Variants in TAF1B observed in about 807,000 individuals in gnomAD.
TAF1B encodes TATA box-binding protein-associated factor RNA polymerase I subunit B.
Under a neutral mutation model 83.9 loss-of-function variants are expected in TAF1B, and 61 were observed. The ratio of observed to expected loss-of-function variants is 0.73; its 90% CI spans 0.59 to 0.90. The LOEUF is 0.90. Among genes scored for constraint, TAF1B ranks in the 40% least tolerant of loss-of-function variants. The pLI is 0.00. For missense variants in TAF1B, 625 were observed against 677.0 expected, an observed-to-expected ratio of 0.92 and a Z score of 0.85; for synonymous variants, 221 against 224.6, an observed-to-expected ratio of 0.98 and a Z score of 0.14.
chr2:9,869,730 G>A (rs1341757203), intron 6 of TAF1B, among the ~76,000 whole-genome samples: 1 of 151,820 alleles, frequency 6.6e-6, no homozygotes, highest in East Asian at 2.0e-4. Context: ...ACAAAAATTA[G>A]CTAGGCGTGG....
chr2:9,897,453 G>A (rs1665051462), intron 8 of TAF1B, among the ~76,000 whole-genome samples: 1 of 152,184 alleles, frequency 6.6e-6, no homozygotes, highest in African/African-American at 2.4e-5. Context: ...GGGATAAAGA[G>A]GAAACTGGAA....
chr2:9,862,472 T>G (rs1663806907), intron 5 of TAF1B, among the ~76,000 whole-genome samples: 1 of 152,194 alleles, frequency 6.6e-6, no homozygotes, highest in Non-Finnish European at 1.5e-5. Context: ...GTCTTATTGG[T>G]GTACCTGAAA....
At chr2:9,899,643 A>G (rs1002123413) in intron 8 of TAF1B, among the ~76,000 whole-genome samples, 13 of 146,758 alleles carry the variant, frequency 8.9e-5, no homozygotes, top group Admixed American at 8.3e-4. Flanking sequence ...AATTTTTTAG[A>G]CAACCACAAT....
intron 14 of TAF1B, among the ~76,000 whole-genome samples, chr2:9,924,296 C>T (rs2125182643): frequency 6.6e-6 from 1 of 152,300 alleles, no homozygotes; most frequent in African/African-American, 2.4e-5. Context: ...GCCCCTCGCT[C>T]AGAGCCCCTG....
At chr2:9,910,414 A>T (rs911309360) in intron 9 of TAF1B, among the ~76,000 whole-genome samples, 4 of 152,198 alleles carry the variant, frequency 2.6e-5, no homozygotes, top group African/African-American at 9.6e-5. Flanking sequence ...TAAGGGAGTT[A>T]GTTTTAGGTG....
intron 12 of TAF1B, among the ~76,000 whole-genome samples, chr2:9,918,476 C>A (rs1180464336): frequency 6.6e-6 from 1 of 152,174 alleles, no homozygotes; most frequent in Non-Finnish European, 1.5e-5. Context: ...ACTCCCTGGC[C>A]ATCCTTCCCT....
At chr2:9,902,006 T>A (rs1045984585) in intron 8 of TAF1B, among the ~76,000 whole-genome samples, 1 of 152,188 alleles carries the variant, frequency 6.6e-6, no homozygotes, top group Non-Finnish European at 1.5e-5. Flanking sequence ...GAAGGCATTT[T>A]TCCTAAGGAA....
At chr2:9,911,663 A>G (rs2241664) in intron 11 of TAF1B, 106 bp downstream of exon 11, 210,838 of 653,000 alleles carry the variant, frequency 0.32, 36,726 homozygotes, top group Middle Eastern at 0.39. Context: ...TATACACATA[A>G]ACACATGTAT....
At chr2:9,927,988 T>C (rs1378761624) in intron 14 of TAF1B, among the ~76,000 whole-genome samples, 1 of 152,224 alleles carries the variant, frequency 6.6e-6, no homozygotes, top group Non-Finnish European at 1.5e-5. Context: ...AGGGTTTTTA[T>C]GGTTTTAGGT....
chr2:9,882,500 T>C (rs1169114389), intron 7 of TAF1B, among the ~76,000 whole-genome samples: 1 of 152,172 alleles, frequency 6.6e-6, no homozygotes, highest in Non-Finnish European at 1.5e-5. Flanking sequence ...CTTAAGAGAA[T>C]CATTCAGTAA....
chr2:9,882,607 TCTTAC>T (rs1317421391), intron 7 of TAF1B, 94 bp from the exon 8 acceptor site: 1 of 648,160 alleles, frequency 1.5e-6, no homozygotes, highest in Non-Finnish European at 2.4e-6. Flanking sequence ...CTTAACTAAT[TCTTAC>T]CTTGTCTTTG....
At chr2:9,928,393 A>G (rs1306888549) in intron 14 of TAF1B, among the ~76,000 whole-genome samples, 1 of 152,170 alleles carries the variant, frequency 6.6e-6, no homozygotes, top group Non-Finnish European at 1.5e-5. Context: ...CAGTTCTGTG[A>G]AGAAAGTCAT....
Position 9,843,531 on chromosome 2 carries a change from G to A in TAF1B, c.-11G>A, listed in dbSNP as rs1163531700. The A allele has an allele frequency of 4.6e-6, 7 of 1,522,954 alleles. No homozygotes were observed. The highest frequency in any genetic ancestry group is 2.0e-5 in the Admixed American group (1 of 49,832). The allele number at this position is 1,522,954 out of a possible 1,614,324, so 94.3% of individuals were successfully genotyped here. On this transcript the variant is annotated 5_prime_UTR_variant, in exon 1 of 15. Coordinates refer to ENST00000263663, the MANE Select transcript of TAF1B (RefSeq NM_005680.3). ...ACGGGTCCCGGCTGTGGAAGCTCCC[G>A]CGGCGCCGCGATGGACCTCGAGGAG...
intron 4 of TAF1B, among the ~76,000 whole-genome samples, chr2:9,853,794 G>T (rs867025142): frequency 6.6e-6 from 1 of 152,110 alleles, no homozygotes; most frequent in Admixed American, 6.6e-5. Context: ...ACTATCACTT[G>T]GGACTGGTTA....
At chr2:9,919,550 G>A (rs758515544) in intron 13 of TAF1B, 48 bp from the exon 14 acceptor site, 25 of 1,515,304 alleles carry the variant, frequency 1.6e-5, no homozygotes, top group Non-Finnish European at 2.0e-5. Context: ...CTTTATTTGT[G>A]ATTTAACATT....
chr2:9,926,804 C>CAAA (rs71391175), intron 14 of TAF1B, among the ~76,000 whole-genome samples: 1,627 of 104,674 alleles, frequency 0.016, 44 homozygotes, highest in Middle Eastern at 0.027. Flanking sequence ...GACTCTGTCT[C>CAAA]AAAAAAAAAA....
chr2:9,884,106 C>G (rs529228239), intron 8 of TAF1B, among the ~76,000 whole-genome samples: 1 of 152,362 alleles, frequency 6.6e-6, no homozygotes, highest in South Asian at 2.1e-4. Context: ...GATATGCCAC[C>G]TGCTGCAGCG....
Position 9,883,773 on chromosome 2 carries a change from G to A in TAF1B, c.807+968G>A, listed in dbSNP as rs572914055. 7.9e-5 allele frequency among the ~76,000 whole-genome samples: 12 copies of A among 152,306 alleles called. No homozygotes were observed. The South Asian group carries it at 2.5e-3, about 32-fold the overall frequency. Reference sequence around the variant, plus strand: ...CCAAAGGGAAAATTTGAATGTCAAAGGATTAAGAGTACTCCCTGGCAAAGC... The same window carrying A: ...CCAAAGGGAAAATTTGAATGTCAAAAGATTAAGAGTACTCCCTGGCAAAGC... On this transcript the variant is annotated intron_variant, in intron 8 of 14. Coordinates refer to ENST00000263663, the MANE Select transcript of TAF1B (RefSeq NM_005680.3).
intron 5 of TAF1B, among the ~76,000 whole-genome samples, chr2:9,855,610 G>A (rs1178408591): frequency 6.6e-6 from 1 of 152,098 alleles, no homozygotes; most frequent in Non-Finnish European, 1.5e-5. Flanking sequence ...CTTGAGCTTA[G>A]GAGGTTGAGG....
Sources: allele counts gnomAD v4.1 joint callset (sites outside exome capture counted in the v4.1 genomes callset), GRCh38; gene constraint gnomAD v4.1.1; transcripts MANE v1.5; gene names NCBI Gene and HGNC (gene_info 2026-07-23, HGNC 2026-07-21).